Variants in ATXN1 observed in about 807,000 individuals in gnomAD.
ATXN1 encodes ataxin 1, also known as ataxin-1.
ATXN1 carries 8 observed loss-of-function variants against 56.4 expected under a neutral mutation model. The observed-to-expected ratio is 0.14, with a 90% CI of 0.08 to 0.26. The LOEUF is 0.26. Ranked by LOEUF, ATXN1 falls within the 10% of genes least tolerant of loss-of-function variation. The pLI is 1.00. For synonymous variants in ATXN1, 514 were observed against 494.6 expected, an observed-to-expected ratio of 1.04 and a Z score of -0.52; for missense variants, 987 against 1,106.5, an observed-to-expected ratio of 0.89 and a Z score of 1.53.
At chr6:16,475,832 AC>A (rs1030077458) in intron 6 of ATXN1, among the ~76,000 whole-genome samples, 4 of 151,830 alleles carry the variant, frequency 2.6e-5, no homozygotes, top group Non-Finnish European at 4.4e-5. Context: ...CTGCTACTGG[AC>A]AGAGCCCAAG....
chr6:16,621,449 C>T (rs572709319), intron 3 of ATXN1, among the ~76,000 whole-genome samples: 19 of 152,350 alleles, frequency 1.2e-4, no homozygotes, highest in East Asian at 1.9e-4. Flanking sequence ...AGGCCAGGCC[C>T]GGCGGCTCAT....
At chr6:16,550,767 A>C (rs889347038) in intron 4 of ATXN1, among the ~76,000 whole-genome samples, 8 of 152,258 alleles carry the variant, frequency 5.3e-5, no homozygotes, top group African/African-American at 1.9e-4. Flanking sequence ...AGTCTGTATT[A>C]GATTATCAAA....
intron 3 of ATXN1, among the ~76,000 whole-genome samples, chr6:16,634,374 T>C (rs969073774): frequency 6.6e-6 from 1 of 152,220 alleles, no homozygotes. Context: ...AGGATAATAC[T>C]CCCTACCTCA....
At chr6:16,360,414 T>C (rs564716940) in intron 6 of ATXN1, among the ~76,000 whole-genome samples, 1 of 152,228 alleles carries the variant, frequency 6.6e-6, no homozygotes, top group Non-Finnish European at 1.5e-5. Context: ...AATTTACATA[T>C]GTCAATGGGA....
At chr6:16,448,894 C>T (rs10484362) in intron 6 of ATXN1, among the ~76,000 whole-genome samples, 1 of 151,988 alleles carries the variant, frequency 6.6e-6, no homozygotes. Flanking sequence ...GGCTCTACAT[C>T]TTCAAGATTT....
chr6:16,656,221 G>A (rs1247881800), intron 3 of ATXN1, among the ~76,000 whole-genome samples: 1 of 152,082 alleles, frequency 6.6e-6, no homozygotes, highest in African/African-American at 2.4e-5. Flanking sequence ...CTCCACACTG[G>A]TTGATACAAT....
At chr6:16,324,883 T>C (rs1046417219) in intron 7 of ATXN1, among the ~76,000 whole-genome samples, 4 of 152,196 alleles carry the variant, frequency 2.6e-5, no homozygotes, top group East Asian at 1.9e-4. Context: ...TCTCAGATTG[T>C]ATTAACCACG....
intron 4 of ATXN1, among the ~76,000 whole-genome samples, chr6:16,546,708 A>T (rs979693557): frequency 2.0e-5 from 3 of 152,234 alleles, no homozygotes; most frequent in African/African-American, 7.2e-5. Context: ...GTTATGTTTA[A>T]GGTATTTTCA....
At chr6:16,694,120 C>T (rs941361074) in intron 2 of ATXN1, among the ~76,000 whole-genome samples, 1 of 151,990 alleles carries the variant, frequency 6.6e-6, no homozygotes, top group Middle Eastern at 3.4e-3. Flanking sequence ...AAAAATAACA[C>T]AAATATATCA....
intron 6 of ATXN1, among the ~76,000 whole-genome samples, chr6:16,467,962 A>G (rs1191137496): frequency 6.6e-6 from 1 of 152,138 alleles, no homozygotes; most frequent in African/African-American, 2.4e-5. Context: ...TTCCATTTCT[A>G]TTTCTATCTA....
At chr6:16,687,731 T>C (rs1018588151) in intron 2 of ATXN1, among the ~76,000 whole-genome samples, 9 of 148,856 alleles carry the variant, frequency 6.0e-5, no homozygotes, top group African/African-American at 2.2e-4. Flanking sequence ...AAGACACAAA[T>C]GCATACAAAT....
chr6:16,333,045 T>C (rs1264415885), intron 6 of ATXN1, among the ~76,000 whole-genome samples: 2 of 152,226 alleles, frequency 1.3e-5, no homozygotes, highest in Non-Finnish European at 2.9e-5. Context: ...CTCTTCCTAA[T>C]GGAGCAGGCA....
At chr6:16,429,393 C>A (rs1369823174) in intron 6 of ATXN1, among the ~76,000 whole-genome samples, 1 of 126,808 alleles carries the variant, frequency 7.9e-6, no homozygotes, top group Non-Finnish European at 1.7e-5. Context: ...AAAAAACAAC[C>A]AGTAGCAATA....
chr6:16,307,543 G>A (rs1298985110), intron 7 of ATXN1, among the ~76,000 whole-genome samples: 7 of 151,944 alleles, frequency 4.6e-5, no homozygotes, highest in South Asian at 2.1e-4. Flanking sequence ...GCGTGGTGGC[G>A]GGCACCTGTA....
At chr6:16,356,216 C>T (rs1761686110) in intron 6 of ATXN1, among the ~76,000 whole-genome samples, 2 of 152,324 alleles carry the variant, frequency 1.3e-5, no homozygotes, top group South Asian at 4.1e-4. Context: ...CCACGGCACT[C>T]TTTGCACAAA....
intron 3 of ATXN1, among the ~76,000 whole-genome samples, chr6:16,620,295 A>ACG (rs937735292): frequency 6.6e-6 from 1 of 151,890 alleles, no homozygotes; most frequent in Non-Finnish European, 1.5e-5. Flanking sequence ...ACACACACAC[A>ACG]CACACAGAAT....
chr6:16,388,821 G>A (rs938394774), intron 6 of ATXN1, among the ~76,000 whole-genome samples: 1 of 152,150 alleles, frequency 6.6e-6, no homozygotes, highest in African/African-American at 2.4e-5. Flanking sequence ...AGTCTGTAAA[G>A]CTAATTCATA....
intron 2 of ATXN1, among the ~76,000 whole-genome samples, chr6:16,743,288 A>C (rs1261547459): frequency 2.0e-5 from 3 of 152,234 alleles, no homozygotes; most frequent in African/African-American, 7.2e-5. Flanking sequence ...TTTCCAGAAA[A>C]TTCATCATTG....
intron 4 of ATXN1, among the ~76,000 whole-genome samples, chr6:16,546,506 G>A (rs1263887930): frequency 6.6e-6 from 1 of 152,090 alleles, no homozygotes; most frequent in African/African-American, 2.4e-5. Flanking sequence ...ACTGGACCCT[G>A]AGCCATAAAA....
Sources: allele counts gnomAD v4.1 joint callset (sites outside exome capture counted in the v4.1 genomes callset), GRCh38; gene constraint gnomAD v4.1.1; transcripts MANE v1.5; gene names NCBI Gene and HGNC (gene_info 2026-07-23, HGNC 2026-07-21).